Variants in PLPPR3 observed in about 807,000 individuals in gnomAD.
PLPPR3 encodes the protein phospholipid phosphatase-related protein type 3.
In PLPPR3, 14 loss-of-function variants were observed where a neutral mutation model predicts 27.3. The observed-to-expected ratio is 0.51, with a 90% CI of 0.34 to 0.80. The LOEUF is 0.80. PLPPR3 is among the 30% of genes least tolerant of loss of function. The pLI, the probability that PLPPR3 is intolerant of heterozygous loss-of-function variation, is 0.01. For synonymous variants in PLPPR3, 671 were observed against 508.0 expected (o/e 1.32, Z -4.32); for missense variants, 1,287 against 1,056.9 (o/e 1.22, Z -3.02).
intron 2 of PLPPR3, among the ~76,000 whole-genome samples, chr19:819,034 T>G (rs1192252151): frequency 9.2e-6 from 1 of 108,122 alleles, no homozygotes; most frequent in Non-Finnish European, 1.8e-5. Flanking sequence ...TGGCGTGCAG[T>G]GGAACAGTCT....
upstream of PLPPR3, among the ~76,000 whole-genome samples, chr19:823,450 A>AAAAAACAAAAAAAAC (rs1555703872): frequency 7.0e-5 from 10 of 143,836 alleles, 1 homozygote; most frequent in Non-Finnish European, 1.1e-4. Flanking sequence ...TCAAAAAAAA[A>AAAAAACAAAAAAAAC]AAAAAAAACA....
Position 813,684 on chromosome 19 carries a change from C to G in PLPPR3, c.1043G>C (p.Ser348Thr), listed in dbSNP as rs1599256914. Residue 348 changes from serine (S) to threonine (T), a missense_variant, in exon 8 of 8, where the codon AGC becomes ACC. Ser to Thr is a moderately conservative substitution (Grantham distance 58). Coordinates refer to ENST00000520876, the MANE Select transcript of PLPPR3 (RefSeq NM_001270366.2). This position sits in a 1 kb window ranked among gnomAD's most constrained non-coding sequence, Gnocchi z 4.1. Reference protein sequence around the residue: ...PVAREKTSLGSLKRASVDVDL... With the variant: ...PVAREKTSLGTLKRASVDVDL... ...CACGTCCACGCTGGCGCGCTTCAGG[C>G]TGCCCAGCGAGGTCTTCTCGCGGGC... The G allele has an allele frequency of 1.3e-6, 2 of 1,532,566 alleles. No individual in the cohort carries two copies. Among genetic ancestry groups the G allele is most frequent in the Non-Finnish European group, 1.7e-6 (2 of 1,144,304 alleles). The allele number at this position is 1,532,566 out of a possible 1,614,324, so 94.9% of individuals were successfully genotyped here.
chr19:823,450 A>AAAACAAAC (rs1555703877), upstream of PLPPR3, among the ~76,000 whole-genome samples: 1 of 143,836 alleles, frequency 7.0e-6, no homozygotes, highest in Non-Finnish European at 1.5e-5. Context: ...TCAAAAAAAA[A>AAAACAAAC]AAAAAAAACA....
chr19:814,329 A>G (rs1419194345), intron 7 of PLPPR3, 105 bp downstream of exon 7: 26 of 1,130,828 alleles, frequency 2.3e-5, no homozygotes, highest in Non-Finnish European at 3.1e-5. Context: ...CTCCCACCTC[A>G]GACCCCTGGG....
upstream of PLPPR3, among the ~76,000 whole-genome samples, chr19:823,450 A>AAACAAAAAAAAAAAC (rs1555703874): frequency 1.4e-5 from 2 of 143,838 alleles, no homozygotes; most frequent in Admixed American, 1.4e-4. Flanking sequence ...TCAAAAAAAA[A>AAACAAAAAAAAAAAC]AAAAAAAACA....
At chr19:819,585 C>G (rs180741340) in intron 2 of PLPPR3, among the ~76,000 whole-genome samples, 205 of 152,192 alleles carry the variant, frequency 1.3e-3, no homozygotes, top group Non-Finnish European at 2.4e-3. Flanking sequence ...CCACCATGCC[C>G]GTCCTGCAAC....
Position 813,284 on chromosome 19 carries a change from C to G in PLPPR3, c.1443G>C (p.Arg481=). 1 of 1,474,114 alleles carries G rather than the reference C, an allele frequency of 6.8e-7. No individual in the cohort carries two copies. Among genetic ancestry groups the G allele is most frequent in the South Asian group, 1.3e-5 (1 of 76,448 alleles). The allele number at this position is 1,474,114 out of a possible 1,614,324, so 91.3% of individuals were successfully genotyped here. The part of the protein sequence containing the change: ...TVQARPGLGP[R]VILPPRAGPP... ...GCCCCGCGCGCGGTGGGAGGATGAC[C>G]CGAGGCCCCAGCCCCGGCCGCGCCT... Residue 481 remains arginine (R), a synonymous_variant, in exon 8 of 8, where the codon CGG becomes CGC. Transcript: ENST00000520876. The surrounding 1 kb of genome is among the most constrained non-coding windows in gnomAD (Gnocchi z 4.1).
chr19:815,341 G>A lies in PLPPR3; in HGVS notation c.262-14C>T, dbSNP rs775336013. 7 of 1,532,174 alleles carry A rather than the reference G, an allele frequency of 4.6e-6. No individual in the cohort carries two copies. Among genetic ancestry groups the A allele is most frequent in the African/African-American group, 4.1e-5 (3 of 72,854 alleles). The allele number at this position is 1,532,174 out of a possible 1,614,324, so 94.9% of individuals were successfully genotyped here. On this transcript the variant is annotated splice_polypyrimidine_tract_variant and intron_variant, in intron 3 of 7. Transcript: ENST00000520876. The stretch of plus-strand genomic sequence containing the variant: ...GGCCACCATGATCTGCCAACAGGGA[G>A]GGGGCGCTCAGGCCTCGGTGCCCAC...
chr19:821,365 G>GC lies in PLPPR3; in HGVS notation c.75+119dup, dbSNP rs2035141756. 7.6e-6 allele frequency: 6 copies of GC among 785,936 alleles called. No individual in the cohort carries two copies. The South Asian group carries it at 1.1e-4, about 14-fold the overall frequency. 48.7% of individuals were successfully genotyped at this position (785,936 alleles called of 1,614,324 possible). On this transcript the variant is annotated intron_variant, in intron 2 of 7. Coordinates refer to ENST00000520876, the MANE Select transcript of PLPPR3 (RefSeq NM_001270366.2). The stretch of plus-strand genomic sequence containing the variant: ...CCCATCCGCCGGACACCCCGGTCCT[G>GC]CCCCGCCCCGAGGCCACTGCCGGGG...
rs1568283250 is a variant in PLPPR3 at position 813,349 on chromosome 19, C to A, written c.1378G>T (p.Asp460Tyr). Residue 460 changes from aspartate (D) to tyrosine (Y), a missense_variant, in exon 8 of 8, where the codon GAC becomes TAC. Coordinates refer to ENST00000520876, the MANE Select transcript of PLPPR3 (RefSeq NM_001270366.2). The surrounding 1 kb of genome is among the most constrained non-coding windows in gnomAD (Gnocchi z 4.1). ...AGCGAGGGCGGGGCCGGGCCCTCGT[C>A]CTCCTCCTCTTCCTCCTCCTCCTCT... is the stretch of plus-strand genomic sequence containing the variant. Reference protein sequence around the residue: ...EEEEEEEEEEDEGPAPPSLYP... With the variant: ...EEEEEEEEEEYEGPAPPSLYP... 2 of 1,477,532 alleles carry A rather than the reference C, an allele frequency of 1.4e-6. No individual in the cohort carries two copies. The highest frequency in any genetic ancestry group is 1.8e-6 in the Non-Finnish European group (2 of 1,122,310). 91.5% of individuals were successfully genotyped at this position (1,477,532 alleles called of 1,614,324 possible). A position where few individuals can be genotyped will look rare whatever the true frequency, so the allele number is the denominator to read the frequency against.
At chr19:815,164 C>A (rs754493754) in intron 4 of PLPPR3, 22 bp downstream of exon 4, 1 of 1,601,958 alleles carries the variant, frequency 6.2e-7, no homozygotes, top group Non-Finnish European at 8.5e-7. Context: ...AGCTCAGGGT[C>A]GGGGCGCGTC....
chr19:821,045 G>A (rs80186741), intron 2 of PLPPR3, among the ~76,000 whole-genome samples: 7,585 of 152,262 alleles, frequency 0.05, 637 homozygotes, highest in African/African-American at 0.17. Context: ...AGCTCCAGGA[G>A]TGGAAAAGCG....
Position 814,568 on chromosome 19 carries a change from G to A in PLPPR3, c.697C>T (p.Leu233=), listed in dbSNP as rs773235654. 3.1e-6 allele frequency: 5 copies of A among 1,612,246 alleles called. No individual in the cohort carries two copies. Among genetic ancestry groups the A allele is most frequent in the Non-Finnish European group, 4.2e-6 (5 of 1,179,986 alleles). Reference sequence around the variant, plus strand: ...AAGGCGAAGACCAGGATGGGCTTCAGCAGCTTGGTGGTGTCCGAGATGACC... The same window carrying A: ...AAGGCGAAGACCAGGATGGGCTTCAACAGCTTGGTGGTGTCCGAGATGACC... ...NSVISDTTKL[L]KPILVFAFAI... is the part of the protein sequence containing the mutation. The change falls in exon 7 of 8, where the codon CTG becomes TTG. Residue 233 remains leucine (L), a synonymous_variant. Coordinates refer to ENST00000520876, the MANE Select transcript of PLPPR3 (RefSeq NM_001270366.2).
At chr19:821,719 G>A (rs1568288333) in intron 1 of PLPPR3, 134 bp from the exon 2 acceptor site, 1 of 438,574 alleles carries the variant, frequency 2.3e-6, no homozygotes, top group Non-Finnish European at 3.9e-6. Context: ...TGGCCTCCCC[G>A]CGCCCCGGCC....
intron 5 of PLPPR3, 68 bp downstream of exon 5, chr19:814,818 C>G: frequency 1.3e-6 from 2 of 1,571,972 alleles, no homozygotes; most frequent in Non-Finnish European, 1.7e-6. Flanking sequence ...CTCTGTGTCT[C>G]TGTTTCCCCG....
intron 2 of PLPPR3, 49 bp from the exon 3 acceptor site, chr19:815,900 C>T (rs375165611): frequency 6.8e-5 from 108 of 1,579,800 alleles, no homozygotes; most frequent in Non-Finnish European, 8.2e-5. Flanking sequence ...CTCGCGGAGG[C>T]GTCTGTCCAG....
In PLPPR3 at chr19:815,229, G is replaced by C. The variant is rs2145069191; in HGVS notation, c.360C>G (p.Gly120=). ...GCCGCAGGAAGGAGTTGAAGTTGCA[G>C]CCGCCGGCGTTGATGCTGCCCTCCG... ...AGAEGSINAG[G]CNFNSFLRRT... The change falls in exon 4 of 8, where the codon GGC becomes GGG. Residue 120 remains glycine, a synonymous_variant. Coordinates refer to ENST00000520876, the MANE Select transcript of PLPPR3 (RefSeq NM_001270366.2). 1.9e-6 allele frequency: 3 copies of C among 1,594,178 alleles called. No individual in the cohort carries two copies. The highest frequency in any genetic ancestry group is 2.6e-6 in the Non-Finnish European group (3 of 1,173,254).
At position 817,989 on chromosome 19, in the gene PLPPR3, G is replaced by A. The variant is rs2035086540; in HGVS notation, c.76-2138C>T. 3.3e-5 allele frequency among the ~76,000 whole-genome samples: 5 copies of A among 152,078 alleles called. No individual in the cohort carries two copies. In the South Asian group the frequency reaches 1.0e-3, roughly 31 times the overall value. On this transcript the variant is annotated intron_variant, in intron 2 of 7. Coordinates refer to ENST00000520876, the MANE Select transcript of PLPPR3 (RefSeq NM_001270366.2). Reference sequence around the variant, plus strand: ...GGTGGCCCCTGGCAACTATCTACTTGTTCTCTCCACTTTCATTATCAGCAT... The same window carrying A: ...GGTGGCCCCTGGCAACTATCTACTTATTCTCTCCACTTTCATTATCAGCAT...
At chr19:814,787 G>A (rs1417242333) in intron 5 of PLPPR3, 38 bp from the exon 6 acceptor site, 3 of 1,558,350 alleles carry the variant, frequency 1.9e-6, no homozygotes, top group East Asian at 2.3e-5. Context: ...GCCCACCTGG[G>A]GACCCCAGCT....
Sources: gnomAD v4.1 joint callset for allele counts (sites outside exome capture counted in the v4.1 genomes callset) on GRCh38, gnomAD v4.1.1 for gene constraint, Gnocchi (gnomAD v3.1) non-coding constraint, MANE v1.5 for transcripts, NCBI Gene and HGNC (gene_info 2026-07-23, HGNC 2026-07-21) for gene names.